The following MRPS16 variants were observed in gnomAD, a reference collection of about 807,000 sequenced individuals.
The protein encoded by MRPS16 is mitochondrial ribosomal protein S16.
MRPS16 carries 5 observed loss-of-function variants against 11.0 expected under a neutral mutation model. The observed-to-expected ratio is 0.46, with a 90% CI of 0.24 to 0.96. MRPS16 has a LOEUF of 0.96. Ranked by LOEUF, MRPS16 falls within the 40% of genes least tolerant of loss-of-function variation. MRPS16 has a pLI of 0.20. For synonymous variants in MRPS16, 76 were observed against 65.0 expected (o/e 1.17, Z -0.81); for missense variants, 179 against 174.4 (o/e 1.03, Z -0.15).
chr10:73,249,513 C>G lies in MRPS16; in HGVS notation c.*1339G>C. 1 of 517,296 alleles carries G rather than the reference C, an allele frequency of 1.9e-6. No homozygotes were observed. Among genetic ancestry groups the G allele is most frequent in the South Asian group, 2.9e-5 (1 of 34,310 alleles). 32.0% of individuals were successfully genotyped at this position (517,296 alleles called of 1,614,324 possible). A position where few individuals can be genotyped will look rare whatever the true frequency, so the allele number is the denominator to read the frequency against. On this transcript the variant is annotated 3_prime_UTR_variant, in exon 3 of 3. Coordinates refer to ENST00000372945, the MANE Select transcript of MRPS16 (RefSeq NM_016065.4). The stretch of plus-strand genomic sequence containing the variant: ...TACAGTTTATCCTAACACAGAGCAG[C>G]CTTCTTAACCTGCTCCATAAAATTA...
Position 73,249,641 on chromosome 10 carries a change from T to TG in MRPS16, c.*1210dup. The TG allele has an allele frequency of 3.4e-6, 1 of 297,876 alleles. No individual in the cohort carries two copies. The highest frequency in any genetic ancestry group is 6.4e-6 in the Non-Finnish European group (1 of 155,844). The allele number at this position is 297,876 out of a possible 1,614,324, so 18.5% of individuals were successfully genotyped here. ...TCAGAAGGATCCCATCTATGATATA[T>TG]GCAGAAATCACAGCCACATTTGAAT... On this transcript the variant is annotated 3_prime_UTR_variant, in exon 3 of 3. Coordinates refer to ENST00000372945, the MANE Select transcript of MRPS16 (RefSeq NM_016065.4).
chr10:73,249,538 A>C lies in MRPS16; in HGVS notation c.*1314T>G, dbSNP rs935450280. On this transcript the variant is annotated 3_prime_UTR_variant, in exon 3 of 3. Coordinates refer to ENST00000372945, the MANE Select transcript of MRPS16 (RefSeq NM_016065.4). Reference sequence around the variant, plus strand: ...CCTTCTTAACCTGCTCCATAAAATTACCAGCAAGAAAGAAAAGTACAAGAA... The same window carrying C: ...CCTTCTTAACCTGCTCCATAAAATTCCCAGCAAGAAAGAAAAGTACAAGAA... The C allele has an allele frequency of 1.6e-5, 8 of 501,294 alleles. No individual in the cohort carries two copies. The highest frequency in any genetic ancestry group is 2.8e-5 in the Non-Finnish European group (8 of 283,092). 31.1% of individuals were successfully genotyped at this position (501,294 alleles called of 1,614,324 possible). A position where few individuals can be genotyped will look rare whatever the true frequency, so the allele number is the denominator to read the frequency against.
In MRPS16 at chr10:73,252,052, A is replaced by G. The variant is rs902471866; in HGVS notation, c.14-29T>C. On this transcript the variant is annotated intron_variant, in intron 1 of 2. Coordinates refer to ENST00000372945, the MANE Select transcript of MRPS16 (RefSeq NM_016065.4). ...TAGAAAAGCAGCTGGTTAGGACACA[A>G]AAAACAGCACAAAAAGGACAAAATG... The G allele has an allele frequency of 5.0e-6, 8 of 1,605,698 alleles. No individual in the cohort carries two copies. In the African/African-American group the frequency reaches 6.7e-5, roughly 13 times the overall value.
chr10:73,251,496 C>T (rs2044095497), intron 2 of MRPS16, among the ~76,000 whole-genome samples: 2 of 152,306 alleles, frequency 1.3e-5, no homozygotes, highest in South Asian at 4.1e-4. Context: ...CTGCCTCAGC[C>T]TCCCCAGTAG....
rs552975155 is a variant in MRPS16, at chr10:73,252,594, G to C, written c.-112C>G. The C allele has an allele frequency of 1.4e-4, 213 of 1,474,578 alleles. No individual in the cohort carries two copies. The highest frequency in any genetic ancestry group is 1.2e-3 in the Middle Eastern group (7 of 5,822). The allele number at this position is 1,474,578 out of a possible 1,614,324, so 91.3% of individuals were successfully genotyped here. On this transcript the variant is annotated 5_prime_UTR_variant, in exon 1 of 3. Coordinates refer to ENST00000372945, the MANE Select transcript of MRPS16 (RefSeq NM_016065.4). The stretch of plus-strand genomic sequence containing the variant: ...GAAAGAACCTGCAAGCCGACACCAG[G>C]CCGCACCGCCAAGCGGTACAAGCCC...
At position 73,252,023 on chromosome 10, in the gene MRPS16, G is replaced by C; in HGVS notation, c.14C>G (p.Thr5Ser). ...ACGGTAGGCCTTGCAGAGGAGAGTAGCTGTAGAAAAGCAGCTGGTTAGGAC... is the reference window on the plus strand; with the variant it reads ...ACGGTAGGCCTTGCAGAGGAGAGTACCTGTAGAAAAGCAGCTGGTTAGGAC... Reference protein sequence around the residue: MVHLTTLLCKAYRGG... With the variant: MVHLSTLLCKAYRGG... Residue 5 changes from threonine to serine, a missense_variant and splice_region_variant, in exon 2 of 3, where the codon ACT becomes AGT. Coordinates refer to ENST00000372945, the MANE Select transcript of MRPS16 (RefSeq NM_016065.4). 6.2e-7 allele frequency: 1 copy of C among 1,613,106 alleles called. No individual in the cohort carries two copies. Among genetic ancestry groups the C allele is most frequent in the African/African-American group, 1.3e-5 (1 of 75,008 alleles).
rs772008734 is a variant in MRPS16, at chr10:73,252,025, T to C, written c.14-2A>G. ...GGTAGGCCTTGCAGAGGAGAGTAGC[T>C]GTAGAAAAGCAGCTGGTTAGGACAC... is the stretch of plus-strand genomic sequence containing the variant. On this transcript the variant is annotated splice_acceptor_variant, in intron 1 of 2. Transcript: ENST00000372945. LOFTEE classifies it high-confidence loss of function. 6.2e-7 allele frequency: 1 copy of C among 1,612,920 alleles called. No individual in the cohort carries two copies. Among genetic ancestry groups the C allele is most frequent in the South Asian group, 1.1e-5 (1 of 90,932 alleles).
rs1282240727 is a variant in MRPS16, at chr10:73,249,314, G to C, written c.*1538C>G. The C allele has an allele frequency of 1.3e-6, 2 of 1,549,702 alleles. No individual in the cohort carries two copies. The highest frequency in any genetic ancestry group is 1.7e-6 in the Non-Finnish European group (2 of 1,146,426). On this transcript the variant is annotated 3_prime_UTR_variant, in exon 3 of 3. Transcript: ENST00000372945. ...GCTTTTAAAACACATGGGAATACTT[G>C]AGACCTAAGAATGGTTGTGAGTCAA...
In MRPS16 at chr10:73,252,583, G is replaced by A; in HGVS notation, c.-101C>T. ...GAACAAACACAGAAAGAACCTGCAA[G>A]CCGACACCAGGCCGCACCGCCAAGC... On this transcript the variant is annotated 5_prime_UTR_variant, in exon 1 of 3. Transcript: ENST00000372945. 3 of 1,512,630 alleles carry A rather than the reference G, an allele frequency of 2.0e-6. No homozygotes were observed. The highest frequency in any genetic ancestry group is 1.2e-5 in the South Asian group (1 of 85,244). The allele number at this position is 1,512,630 out of a possible 1,614,324, so 93.7% of individuals were successfully genotyped here. A position where few individuals can be genotyped will look rare whatever the true frequency, so the allele number is the denominator to read the frequency against.
rs2044078174 is a variant in MRPS16, at chr10:73,250,733, A to G, written c.*119T>C. The G allele has an allele frequency of 5.1e-6, 7 of 1,376,538 alleles. No homozygotes were observed. In the Admixed American group the frequency reaches 1.2e-4, roughly 23 times the overall value. The allele number at this position is 1,376,538 out of a possible 1,614,324, so 85.3% of individuals were successfully genotyped here. ...CTGTGCAGGCCAGGCCAGAAGAGCA[A>G]GGGCAACTCAGGATACTCCATTTAT... On this transcript the variant is annotated 3_prime_UTR_variant, in exon 3 of 3. Transcript: ENST00000372945.
chr10:73,249,059 T>C lies in MRPS16; in HGVS notation c.*1793A>G, dbSNP rs1133542. On this transcript the variant is annotated 3_prime_UTR_variant, in exon 3 of 3. Transcript: ENST00000372945. ...TCAGCTTCCCGAGTAGCTGGAACTA[T>C]GGGTGAGCAACACCACAGCCAGCTA... 1.7e-6 allele frequency: 1 copy of C among 600,722 alleles called. No homozygotes were observed. The highest frequency in any genetic ancestry group is 2.7e-5 in the Admixed American group (1 of 36,696). The allele number at this position is 600,722 out of a possible 1,614,324, so 37.2% of individuals were successfully genotyped here. A position where few individuals can be genotyped will look rare whatever the true frequency, so the allele number is the denominator to read the frequency against.
In MRPS16 at chr10:73,249,487, A is replaced by G; in HGVS notation, c.*1365T>C. ...ATTACAGGTTGTCAACATTATTGGT[A>G]TACAGTTTATCCTAACACAGAGCAG... On this transcript the variant is annotated 3_prime_UTR_variant, in exon 3 of 3. Coordinates refer to ENST00000372945, the MANE Select transcript of MRPS16 (RefSeq NM_016065.4). 1.5e-6 allele frequency: 1 copy of G among 652,432 alleles called. No homozygotes were observed. The highest frequency in any genetic ancestry group is 2.6e-6 in the Non-Finnish European group (1 of 387,740). 40.4% of individuals were successfully genotyped at this position (652,432 alleles called of 1,614,324 possible). A position where few individuals can be genotyped will look rare whatever the true frequency, so the allele number is the denominator to read the frequency against.
At position 73,252,459 on chromosome 10, in the gene MRPS16, C is replaced by G. The variant is rs2044132873; in HGVS notation, c.13+11G>C. On this transcript the variant is annotated intron_variant, in intron 1 of 2. Coordinates refer to ENST00000372945, the MANE Select transcript of MRPS16 (RefSeq NM_016065.4). The stretch of plus-strand genomic sequence containing the variant: ...CCGCCCGGAACGTCTCGCGGTGGCC[C>G]GATGACTCACTGAGGTGGACCATGG... 6.2e-7 allele frequency: 1 copy of G among 1,609,304 alleles called. No individual in the cohort carries two copies. The highest frequency in any genetic ancestry group is 1.1e-5 in the South Asian group (1 of 91,042).
rs201106309 is a variant in MRPS16 at position 73,251,941 on chromosome 10, G to A, written c.96C>T (p.Tyr32=). ...ACTTGTTGTGAGCAGCCACAATGCG[G>A]TAGAACGGCCGATTGGTGCAGCCAC... The part of the protein sequence containing the change: ...ALGGCTNRPF[Y]RIVAAHNKCP... Residue 32 remains tyrosine, a synonymous_variant, in exon 2 of 3, where the codon TAC becomes TAT. Transcript: ENST00000372945. 288 of 1,614,084 alleles carry A rather than the reference G, an allele frequency of 1.8e-4. No homozygotes were observed. The highest frequency in any genetic ancestry group is 3.3e-4 in the Middle Eastern group (2 of 6,084).
Position 73,250,662 on chromosome 10 carries a change from CCA to C in MRPS16, c.*188_*189del, listed in dbSNP as rs1358367287. 1 of 723,386 alleles carries C rather than the reference CCA, an allele frequency of 1.4e-6. No homozygotes were observed. Among genetic ancestry groups the C allele is most frequent in the African/African-American group, 1.8e-5 (1 of 56,238 alleles). The allele number at this position is 723,386 out of a possible 1,614,324, so 44.8% of individuals were successfully genotyped here. A position where few individuals can be genotyped will look rare whatever the true frequency, so the allele number is the denominator to read the frequency against. The stretch of plus-strand genomic sequence containing the variant: ...AAAGTCGAAAAAAGCTAATTAGTAC[CCA>C]CACCCAGCTCTAAGTCACACAAGAA... On this transcript the variant is annotated 3_prime_UTR_variant, in exon 3 of 3. Coordinates refer to ENST00000372945, the MANE Select transcript of MRPS16 (RefSeq NM_016065.4).
At position 73,252,620 on chromosome 10, in the gene MRPS16, G is replaced by A; in HGVS notation, c.-138C>T. Reference sequence around the variant, plus strand: ...CCGCACCGCCAAGCGGTACAAGCCCGAAAACCTCGACTCCGGAAGCGGATG... The same window carrying A: ...CCGCACCGCCAAGCGGTACAAGCCCAAAAACCTCGACTCCGGAAGCGGATG... On this transcript the variant is annotated 5_prime_UTR_variant, in exon 1 of 3. Transcript: ENST00000372945. 7.9e-7 allele frequency: 1 copy of A among 1,266,204 alleles called. No homozygotes were observed. Among genetic ancestry groups the A allele is most frequent in the South Asian group, 1.3e-5 (1 of 77,020 alleles). The allele number at this position is 1,266,204 out of a possible 1,614,324, so 78.4% of individuals were successfully genotyped here.
intron 2 of MRPS16, among the ~76,000 whole-genome samples, chr10:73,251,390 C>A (rs1017540977): frequency 1.4e-4 from 21 of 145,562 alleles, no homozygotes; most frequent in Admixed American, 4.0e-4. Context: ...TTTTTTTTTT[C>A]TTTGAGATGG....
Position 73,249,289 on chromosome 10 carries a change from G to C in MRPS16, c.*1563C>G. On this transcript the variant is annotated 3_prime_UTR_variant, in exon 3 of 3. Transcript: ENST00000372945. ...TTGAATTTCATCTCACTGACTTCAGGCTTTTAAAACACATGGGAATACTTG... is the reference window on the plus strand; with the variant it reads ...TTGAATTTCATCTCACTGACTTCAGCCTTTTAAAACACATGGGAATACTTG... The C allele has an allele frequency of 3.2e-6, 5 of 1,549,964 alleles. No individual in the cohort carries two copies. The highest frequency in any genetic ancestry group is 4.4e-6 in the Non-Finnish European group (5 of 1,146,606).
chr10:73,251,591 C>T (rs2044099304), intron 2 of MRPS16, among the ~76,000 whole-genome samples, 172 bp downstream of exon 2: 2 of 152,132 alleles, frequency 1.3e-5, no homozygotes, highest in South Asian at 2.1e-4. Context: ...ATGTTGGCCA[C>T]TCTGGTCTCA....
Sources: gnomAD v4.1 joint callset for allele counts (sites outside exome capture counted in the v4.1 genomes callset) on GRCh38, gnomAD v4.1.1 for gene constraint, MANE v1.5 for transcripts, NCBI Gene and HGNC (gene_info 2026-07-23, HGNC 2026-07-21) for gene names.